BAZ1B: variants seen among roughly 807,000 people sequenced by gnomAD.
BAZ1B encodes the protein tyrosine-protein kinase BAZ1B.
A neutral mutation model predicts 153.8 loss-of-function variants in BAZ1B; 22 were observed. The observed-to-expected ratio is 0.14, with a 90% CI of 0.10 to 0.20. The LOEUF is 0.20. BAZ1B is among the 10% of genes least tolerant of loss of function. The probability of loss-of-function intolerance (pLI) is 1.00; values close to 1 mark genes in which losing one functional copy is unlikely to be tolerated. For missense variants in BAZ1B, 1,325 were observed against 1,799.3 expected (o/e 0.74, Z 4.77); for synonymous variants, 676 against 633.4 (o/e 1.07, Z -1.01).
chr7:73,517,010 C>T (rs1467623651), intron 1 of BAZ1B, among the ~76,000 whole-genome samples: 1 of 150,574 alleles, frequency 6.6e-6, no homozygotes. Context: ...GGTAAAACCC[C>T]ATCTCTACTA....
chr7:73,454,918 C>T (rs909251147), intron 13 of BAZ1B, among the ~76,000 whole-genome samples: 5 of 151,774 alleles, frequency 3.3e-5, no homozygotes, highest in Non-Finnish European at 7.4e-5. Flanking sequence ...TGCACTGGTG[C>T]GATCTCGGCT....
rs782318897 is a variant in BAZ1B at position 73,477,333 on chromosome 7, T to G, written c.2128A>C (p.Thr710Pro). 9.3e-6 allele frequency: 15 copies of G among 1,614,148 alleles called. No individual in the cohort carries two copies. The South Asian group carries it at 1.6e-4, about 18-fold the overall frequency. Residue 710 changes from threonine (T) to proline (P), a missense_variant, in exon 7 of 20, where the codon ACA becomes CCA. By Grantham distance (38) the Thr-to-Pro change is conservative. This residue lies in a region of BAZ1B where 431 missense variants were observed against 563.5 expected (regional missense o/e 0.76). Coordinates refer to ENST00000339594, the MANE Select transcript of BAZ1B (RefSeq NM_032408.4). This position sits in a 1 kb window ranked among gnomAD's most constrained non-coding sequence, Gnocchi z 5.6. ...DVQEESEGSD[T>P]DDNKDSAAFE... ...GCAGCTGAATCTTTATTGTCATCTG[T>G]GTCTGAGCCCTCGCTTTCCTCCTGA...
chr7:73,486,402 C>G (rs1316177585), intron 6 of BAZ1B, among the ~76,000 whole-genome samples: 1 of 152,168 alleles, frequency 6.6e-6, no homozygotes, highest in Non-Finnish European at 1.5e-5. Flanking sequence ...TCTCGGCTCA[C>G]TACAAGCTCA....
intron 3 of BAZ1B, among the ~76,000 whole-genome samples, chr7:73,498,998 A>C (rs940167641): frequency 1.3e-5 from 2 of 152,206 alleles, no homozygotes; most frequent in African/African-American, 4.8e-5. Flanking sequence ...ATACAGTTCA[A>C]GAATTTACAT....
At chr7:73,457,613 C>T (rs574894240) in intron 13 of BAZ1B, among the ~76,000 whole-genome samples, 1 of 152,296 alleles carries the variant, frequency 6.6e-6, no homozygotes, top group Admixed American at 6.5e-5. Context: ...TCCTTCTCCG[C>T]AGACTAAAAC....
intron 2 of BAZ1B, 41 bp from the exon 3 acceptor site, chr7:73,508,512 C>A: frequency 1.3e-6 from 2 of 1,559,704 alleles, no homozygotes; most frequent in Non-Finnish European, 1.7e-6. Context: ...CACAGAAACA[C>A]CTACCCAGAG....
intron 3 of BAZ1B, 140 bp from the exon 4 acceptor site, chr7:73,498,838 G>A (rs2353082): frequency 1.4e-6 from 1 of 717,674 alleles, no homozygotes; most frequent in Non-Finnish European, 2.2e-6. Context: ...GTACAATGAA[G>A]TGTTTTCAAC....
rs1244395127 is a variant in BAZ1B, at chr7:73,510,855, G to A, written c.108-3C>T. 13 of 1,612,620 alleles carry A rather than the reference G, an allele frequency of 8.1e-6. No individual in the cohort carries two copies. The highest frequency in any genetic ancestry group is 1.0e-5 in the Non-Finnish European group (12 of 1,178,880). On this transcript the variant is annotated splice_polypyrimidine_tract_variant and splice_region_variant and intron_variant, in intron 1 of 19. Coordinates refer to ENST00000339594, the MANE Select transcript of BAZ1B (RefSeq NM_032408.4). ...TTTCCAAGCGGGCTTCATACTCTCTGTTGGCAGTAGTTCAGGAAAACAATA... is the reference window on the plus strand; with the variant it reads ...TTTCCAAGCGGGCTTCATACTCTCTATTGGCAGTAGTTCAGGAAAACAATA...
intron 3 of BAZ1B, among the ~76,000 whole-genome samples, chr7:73,502,575 A>G (rs1583943615): frequency 6.6e-6 from 1 of 152,166 alleles, no homozygotes; most frequent in Admixed American, 6.5e-5. Flanking sequence ...TCTCTACAAA[A>G]AATACAAAAA....
At chr7:73,447,810 G>A (rs1221719156) in intron 15 of BAZ1B, among the ~76,000 whole-genome samples, 1 of 152,218 alleles carries the variant, frequency 6.6e-6, no homozygotes, top group Non-Finnish European at 1.5e-5. Context: ...ACTTCACCTT[G>A]ATGGCCCCCT....
intron 6 of BAZ1B, among the ~76,000 whole-genome samples, chr7:73,480,303 T>C (rs1554573507): frequency 6.6e-6 from 1 of 152,080 alleles, no homozygotes; most frequent in African/African-American, 2.4e-5. Context: ...CATCTCCTCA[T>C]ACCTCCCATG....
At chr7:73,511,200 G>A (rs550861284) in intron 1 of BAZ1B, among the ~76,000 whole-genome samples, 7 of 152,060 alleles carry the variant, frequency 4.6e-5, no homozygotes, top group East Asian at 3.9e-4. Flanking sequence ...CCCGGGAGGC[G>A]GAGCTTGCAG....
intron 7 of BAZ1B, among the ~76,000 whole-genome samples, chr7:73,471,467 C>T (rs1196386590): frequency 6.6e-6 from 1 of 152,182 alleles, no homozygotes; most frequent in Non-Finnish European, 1.5e-5. Flanking sequence ...AACCTTGACA[C>T]CATAGGGTAC....
At chr7:73,466,191 C>G in intron 10 of BAZ1B, 105 bp downstream of exon 10, 1 of 783,842 alleles carries the variant, frequency 1.3e-6, no homozygotes, top group Non-Finnish European at 2.0e-6. Context: ...CACAAAGTAT[C>G]CTGCGCAAAT....
intron 10 of BAZ1B, 103 bp from the exon 11 acceptor site, chr7:73,465,640 A>C (rs1583902065): frequency 6.1e-6 from 4 of 657,852 alleles, no homozygotes; most frequent in Non-Finnish European, 1.0e-5. Flanking sequence ...TTGGGAGAAC[A>C]GAATTCCAAA....
chr7:73,484,762 G>C (rs551258366), intron 6 of BAZ1B, among the ~76,000 whole-genome samples: 35 of 152,158 alleles, frequency 2.3e-4, no homozygotes, highest in Non-Finnish European at 4.1e-4. Context: ...TTCATAACCT[G>C]AATCTAATCA....
intron 16 of BAZ1B, among the ~76,000 whole-genome samples, chr7:73,446,546 CAAAAA>C (rs1175189600): frequency 4.8e-5 from 2 of 41,536 alleles, no homozygotes; most frequent in African/African-American, 8.2e-5. Flanking sequence ...GAGACCATCT[CAAAAA>C]AAAAAAAAAA....
chr7:73,483,313 A>T (rs1789270759), intron 6 of BAZ1B, among the ~76,000 whole-genome samples: 1 of 152,318 alleles, frequency 6.6e-6, no homozygotes, highest in Non-Finnish European at 1.5e-5. Context: ...GATGCTGCAC[A>T]CAACTTAATA....
At chr7:73,497,089 A>G (rs2116405891) in intron 4 of BAZ1B, among the ~76,000 whole-genome samples, 2 of 151,352 alleles carry the variant, frequency 1.3e-5, no homozygotes, top group Admixed American at 1.3e-4. Context: ...AAAAACCTAC[A>G]AAAATTAGCT....
Sources: gnomAD v4.1 joint callset for allele counts (sites outside exome capture counted in the v4.1 genomes callset) on GRCh38, gnomAD v4.1.1 for gene constraint, gnomAD v4.1.1 regional missense constraint, Gnocchi (gnomAD v3.1) non-coding constraint, MANE v1.5 for transcripts, NCBI Gene and HGNC (gene_info 2026-07-23, HGNC 2026-07-21) for gene names.